BEND7: variants seen among roughly 807,000 people sequenced by gnomAD.
BEND7 encodes the protein BEN domain containing 7.
Under a neutral mutation model 50.9 loss-of-function variants are expected in BEND7, and 28 were observed. The ratio of observed to expected loss-of-function variants is 0.55; its 90% confidence interval spans 0.41 to 0.75. BEND7 has a LOEUF of 0.75. Ranked by LOEUF, BEND7 falls within the 30% of genes least tolerant of loss-of-function variation. The pLI, the probability that BEND7 is intolerant of heterozygous loss-of-function variation, is 0.00. For missense variants in BEND7, 477 were observed against 491.3 expected (o/e 0.97, Z 0.28); for synonymous variants, 170 against 183.9 (o/e 0.92, Z 0.61).
At chr10:13,526,956 AT>A (rs2079486989) in intron 1 of BEND7, among the ~76,000 whole-genome samples, 1 of 152,306 alleles carries the variant, frequency 6.6e-6, no homozygotes, top group Middle Eastern at 3.4e-3. Flanking sequence ...AGGCTACTGC[AT>A]TTTTGCTTCT....
At chr10:13,518,213 A>G (rs990094946) in intron 2 of BEND7, among the ~76,000 whole-genome samples, 9 of 152,254 alleles carry the variant, frequency 5.9e-5, no homozygotes, top group African/African-American at 1.7e-4. Context: ...CTGAACCACA[A>G]TGAGCCTTCC....
chr10:13,467,796 G>A (rs369170562), intron 6 of BEND7, among the ~76,000 whole-genome samples: 2 of 152,052 alleles, frequency 1.3e-5, no homozygotes, highest in African/African-American at 2.4e-5. Flanking sequence ...ACCTGTGGGA[G>A]TGCTGTTTTG....
At chr10:13,443,747 G>T (rs1444193992) in intron 8 of BEND7, 1 of 152,176 alleles carries the variant, frequency 6.6e-6, no homozygotes, top group African/African-American at 2.4e-5. Context: ...TAATGCATAT[G>T]AAGATTTGCC....
At chr10:13,497,038 C>T (rs1019429860) in intron 3 of BEND7, 150 bp from the exon 4 acceptor site, 10 of 882,006 alleles carry the variant, frequency 1.1e-5, no homozygotes, top group Non-Finnish European at 1.6e-5. Flanking sequence ...AAAACGTACC[C>T]ACTAATTATC....
chr10:13,472,632 C>T (rs1302778783), intron 6 of BEND7, among the ~76,000 whole-genome samples: 7 of 151,622 alleles, frequency 4.6e-5, no homozygotes, highest in African/African-American at 1.2e-4. Flanking sequence ...TACCCGTCAT[C>T]GCTCTTAGAC....
At chr10:13,470,106 C>T (rs1340826489) in intron 6 of BEND7, among the ~76,000 whole-genome samples, 1 of 152,200 alleles carries the variant, frequency 6.6e-6, no homozygotes, top group African/African-American at 2.4e-5. Flanking sequence ...TGTGGCATTA[C>T]CTTAGGATGC....
intron 2 of BEND7, among the ~76,000 whole-genome samples, chr10:13,506,567 T>G (rs552618072): frequency 1.6e-4 from 24 of 152,270 alleles, no homozygotes; most frequent in African/African-American, 5.5e-4. Flanking sequence ...GGGTTATCAC[T>G]GGGTAACTTA....
chr10:13,518,442 CTTAAA>C (rs961561575), intron 2 of BEND7, among the ~76,000 whole-genome samples: 1 of 152,216 alleles, frequency 6.6e-6, no homozygotes, highest in African/African-American at 2.4e-5. Context: ...GCTTTATGTC[CTTAAA>C]TTAAGGTAGA....
chr10:13,517,439 T>C (rs2078770541), intron 2 of BEND7, among the ~76,000 whole-genome samples: 2 of 152,098 alleles, frequency 1.3e-5, no homozygotes, highest in South Asian at 2.1e-4. Context: ...GTCTCAGCTG[T>C]CATGCTAGGG....
At chr10:13,522,051 G>A (rs2079112956) in intron 2 of BEND7, among the ~76,000 whole-genome samples, 3 of 152,114 alleles carry the variant, frequency 2.0e-5, no homozygotes, top group African/African-American at 7.2e-5. Flanking sequence ...TTCATCTATG[G>A]GAAGCTGAAT....
intron 6 of BEND7, among the ~76,000 whole-genome samples, chr10:13,472,239 A>G (rs952247755): frequency 5.3e-5 from 8 of 151,582 alleles, no homozygotes; most frequent in African/African-American, 1.9e-4. Context: ...TCGCTATTAG[A>G]GTAGGGGCTG....
rs11258397 is a variant in BEND7 at position 13,458,959 on chromosome 10, G to C, written c.1064-6301C>G. Among the ~76,000 whole-genome samples the C allele has an allele frequency of 5.6e-3, 858 of 152,332 alleles. 3 individuals are homozygous for C. Among genetic ancestry groups the C allele is most frequent in the Non-Finnish European group, 9.6e-3 (656 of 68,030 alleles). ...AATCTCGCAACAACCAGCAGGGTTA[G>C]GTATTGTGATCCTCAGTTACTGATG... On this transcript the variant is annotated intron_variant, in intron 6 of 8. Transcript: ENST00000466271.
chr10:13,510,952 C>T (rs944135278), intron 2 of BEND7, among the ~76,000 whole-genome samples: 2 of 152,068 alleles, frequency 1.3e-5, no homozygotes, highest in African/African-American at 4.8e-5. Flanking sequence ...CTGAGGTGGA[C>T]GGATCACTTG....
chr10:13,521,661 T>G (rs1284706588), intron 2 of BEND7, among the ~76,000 whole-genome samples: 4 of 152,142 alleles, frequency 2.6e-5, no homozygotes, highest in Non-Finnish European at 4.4e-5. Flanking sequence ...GGCCCTTCAT[T>G]TCCTCTGAGG....
Position 13,528,458 on chromosome 10 carries a change from C to G in BEND7, c.61+15G>C. On this transcript the variant is annotated intron_variant, in intron 1 of 8. Transcript: ENST00000466271. The stretch of plus-strand genomic sequence containing the variant: ...GCGCCCGCTGCCTGCCCCCGCCGCC[C>G]CGGCGGCCGCTTACCTCGGCTCACC... 9.9e-7 allele frequency: 1 copy of G among 1,013,770 alleles called. No individual in the cohort carries two copies. Among genetic ancestry groups the G allele is most frequent in the Non-Finnish European group, 1.2e-6 (1 of 850,804 alleles). 62.8% of individuals were successfully genotyped at this position (1,013,770 alleles called of 1,614,324 possible). A position where few individuals can be genotyped will look rare whatever the true frequency, so the allele number is the denominator to read the frequency against.
At chr10:13,447,073 C>G in intron 8 of BEND7, 193 bp downstream of exon 8, 1 of 619,588 alleles carries the variant, frequency 1.6e-6, no homozygotes, top group Non-Finnish European at 2.9e-6. Context: ...GTGAGAAAAA[C>G]GTTTTTCTAT....
At chr10:13,485,462 T>G (rs1297461275) in intron 5 of BEND7, among the ~76,000 whole-genome samples, 1 of 152,204 alleles carries the variant, frequency 6.6e-6, no homozygotes, top group East Asian at 1.9e-4. Context: ...TGGTGGGGAT[T>G]TGGGGGGCTG....
In BEND7 at chr10:13,465,499, A is replaced by C. The variant is rs1264310557; in HGVS notation, c.1064-12841T>G. ...CCATCTCATCTTCGTGCTGACTGCT[A>C]CTCTATGGGGCTGTTATTTTCAGCT... On this transcript the variant is annotated intron_variant, in intron 6 of 8. Coordinates refer to ENST00000466271, the MANE Select transcript of BEND7 (RefSeq NM_001369863.1). 8.0e-4 allele frequency among the ~76,000 whole-genome samples: 122 copies of C among 151,950 alleles called. 1 individual carries two copies. Among genetic ancestry groups the C allele is most frequent in the Admixed American group, 7.9e-3 (120 of 15,250 alleles).
chr10:13,509,560 C>T (rs971289401), intron 2 of BEND7, among the ~76,000 whole-genome samples: 1 of 152,186 alleles, frequency 6.6e-6, no homozygotes, highest in African/African-American at 2.4e-5. Context: ...CCTTAGAAAT[C>T]ATGTGACAAG....
Sources: gnomAD v4.1 joint callset for allele counts (sites outside exome capture counted in the v4.1 genomes callset) on GRCh38, gnomAD v4.1.1 for gene constraint, MANE v1.5 for transcripts, NCBI Gene and HGNC (gene_info 2026-07-23, HGNC 2026-07-21) for gene names.